The following ARRB1 variants were observed in gnomAD, a reference collection of about 807,000 sequenced individuals.
The protein encoded by ARRB1 is arrestin beta 1.
In ARRB1, 21 loss-of-function variants were observed where a neutral mutation model predicts 56.8. The ratio of observed to expected loss-of-function variants is 0.37; its 90% confidence interval spans 0.26 to 0.53. The LOEUF (loss-of-function observed/expected upper bound fraction) is 0.53. Ranked by LOEUF, ARRB1 falls within the 20% of genes least tolerant of loss-of-function variation. ARRB1 has a pLI of 0.88. For missense variants in ARRB1, 424 were observed against 553.7 expected, an observed-to-expected ratio of 0.77 and a Z score of 2.35; for synonymous variants, 210 against 218.6, an observed-to-expected ratio of 0.96 and a Z score of 0.35.
At position 75,263,387 on chromosome 11, in the gene ARRB1, G is replaced by A. The variant is rs769597149; in HGVS notation, c.*2776C>T. 5.3e-5 allele frequency among the ~76,000 whole-genome samples: 8 copies of A among 152,360 alleles called. No homozygotes were observed. The highest frequency in any genetic ancestry group is 2.1e-4 in the South Asian group (1 of 4,830). ...TCCCTCGAGGCTGCAGCGTATGGCC[G>A]TGCAGCAGGGCACCTCTGGCCAAGG... On this transcript the variant is annotated 3_prime_UTR_variant, in exon 16 of 16. Transcript: ENST00000420843.
At chr11:75,277,494 G>C in intron 8 of ARRB1, 46 bp from the exon 9 acceptor site, 1 of 1,553,206 alleles carries the variant, frequency 6.4e-7, no homozygotes, top group Non-Finnish European at 8.9e-7. Flanking sequence ...GGACAGCAAG[G>C]TTCTAGGGAA....
chr11:75,311,841 C>T (rs967532936), intron 1 of ARRB1, among the ~76,000 whole-genome samples: 7 of 152,194 alleles, frequency 4.6e-5, no homozygotes, highest in South Asian at 4.1e-4. Context: ...CACCCCACTT[C>T]GGCCCCTGCT....
chr11:75,333,979 C>G (rs1452137107), intron 1 of ARRB1, among the ~76,000 whole-genome samples: 1 of 152,174 alleles, frequency 6.6e-6, no homozygotes, highest in Non-Finnish European at 1.5e-5. Flanking sequence ...GACTCCTGAC[C>G]CAGTCCCAGG....
At chr11:75,292,486 C>A (rs1378962419) in intron 1 of ARRB1, among the ~76,000 whole-genome samples, 1 of 152,322 alleles carries the variant, frequency 6.6e-6, no homozygotes, top group South Asian at 2.1e-4. Flanking sequence ...GAAGATGCCA[C>A]AGTCAGCTGG....
At chr11:75,308,482 ACGC>A (rs1378202179) in intron 1 of ARRB1, among the ~76,000 whole-genome samples, 5 of 152,206 alleles carry the variant, frequency 3.3e-5, no homozygotes, top group African/African-American at 1.2e-4. Flanking sequence ...ACAGTAGCTC[ACGC>A]CTATAATCCC....
intron 3 of ARRB1, among the ~76,000 whole-genome samples, chr11:75,286,439 T>G (rs1946479424): frequency 6.6e-6 from 1 of 151,550 alleles, no homozygotes; most frequent in South Asian, 2.1e-4. Flanking sequence ...GGCTATTTTT[T>G]TTTTCTGTAT....
intron 1 of ARRB1, among the ~76,000 whole-genome samples, chr11:75,339,579 C>A (rs930389618): frequency 6.6e-6 from 1 of 152,208 alleles, no homozygotes. Context: ...CTCACACAAA[C>A]GCACTTTCCA....
rs1235679109 is a variant in ARRB1 at position 75,264,892 on chromosome 11, T to TTGCCCCAGGAAC, written c.*1259_*1270dup. 6.6e-6 allele frequency: 1 copy of TTGCCCCAGGAAC among 152,326 alleles called. No homozygotes were observed. The highest frequency in any genetic ancestry group is 1.5e-5 in the Non-Finnish European group (1 of 68,138). The allele number at this position is 152,326 out of a possible 1,614,324, so 9.4% of individuals were successfully genotyped here. On this transcript the variant is annotated 3_prime_UTR_variant, in exon 16 of 16. Coordinates refer to ENST00000420843, the MANE Select transcript of ARRB1 (RefSeq NM_004041.5). ...TCTATCTCATCTCCCATCTGGCTTCTTGCCCCAGGAACTGCCCCAGGTCTC... is the reference window on the plus strand; with the variant it reads ...TCTATCTCATCTCCCATCTGGCTTCTTGCCCCAGGAACTGCCCCAGGAACTGCCCCAGGTCTC...
intron 1 of ARRB1, among the ~76,000 whole-genome samples, chr11:75,337,418 G>A (rs1204826167): frequency 1.3e-5 from 2 of 152,180 alleles, no homozygotes; most frequent in Admixed American, 1.3e-4. Flanking sequence ...CCTTCAGCAC[G>A]AGGACCAGGA....
intron 1 of ARRB1, among the ~76,000 whole-genome samples, chr11:75,328,125 C>A (rs1947470304): frequency 6.6e-6 from 1 of 152,196 alleles, no homozygotes; most frequent in Non-Finnish European, 1.5e-5. Context: ...CCCCTGGCAA[C>A]TACCAGTGTC....
At position 75,289,879 on chromosome 11, in the gene ARRB1, G is replaced by A. The variant is rs1469953542; in HGVS notation, c.51+130C>T. On this transcript the variant is annotated intron_variant, in intron 2 of 15. Coordinates refer to ENST00000420843, the MANE Select transcript of ARRB1 (RefSeq NM_004041.5). ...GAGAGAGCTGTGTCACCCCTAAGAC[G>A]GGGAGCAGCACCTGCCCCCTCCCAC... 11 of 1,320,432 alleles carry A rather than the reference G, an allele frequency of 8.3e-6. 1 individual carries two copies. The highest frequency in any genetic ancestry group is 3.6e-4 in the Middle Eastern group (2 of 5,496). The allele number at this position is 1,320,432 out of a possible 1,614,324, so 81.8% of individuals were successfully genotyped here. A position where few individuals can be genotyped will look rare whatever the true frequency, so the allele number is the denominator to read the frequency against.
chr11:75,340,442 C>T (rs1205127352), intron 1 of ARRB1, among the ~76,000 whole-genome samples: 4 of 152,252 alleles, frequency 2.6e-5, no homozygotes. Context: ...CTCCAAGGCC[C>T]CTCTGGGGAA....
intron 1 of ARRB1, among the ~76,000 whole-genome samples, chr11:75,325,002 C>T (rs1180625550): frequency 2.3e-5 from 3 of 129,664 alleles, no homozygotes; most frequent in South Asian, 2.7e-4. Flanking sequence ...CAGGGCTGGG[C>T]GGGAGGGCCT....
At chr11:75,278,894 G>A in intron 7 of ARRB1, 150 bp from the exon 8 acceptor site, 1 of 1,144,730 alleles carries the variant, frequency 8.7e-7, no homozygotes, top group Admixed American at 2.8e-5. Flanking sequence ...CAGCATAGGG[G>A]TCTGTCACCA....
chr11:75,304,547 T>A (rs1946977664), intron 1 of ARRB1, among the ~76,000 whole-genome samples: 6 of 151,696 alleles, frequency 4.0e-5, no homozygotes, highest in South Asian at 2.1e-4. Context: ...TGTGAGGTAG[T>A]TGTTAAACAC....
chr11:75,288,529 G>A (rs1014695903), intron 2 of ARRB1, among the ~76,000 whole-genome samples: 7 of 151,980 alleles, frequency 4.6e-5, no homozygotes, highest in African/African-American at 1.5e-4. Context: ...CTCCTGCCTA[G>A]ACCACCACAC....
At chr11:75,324,039 T>TGC (rs1192501704) in intron 1 of ARRB1, among the ~76,000 whole-genome samples, 1 of 152,074 alleles carries the variant, frequency 6.6e-6, no homozygotes, top group Admixed American at 6.6e-5. Context: ...AACACATGCA[T>TGC]GCACACACAC....
In ARRB1 at chr11:75,264,375, C is replaced by T. The variant is rs184163803; in HGVS notation, c.*1788G>A. 4 of 152,220 alleles carry T rather than the reference C, an allele frequency of 2.6e-5. No individual in the cohort carries two copies. The highest frequency in any genetic ancestry group is 5.9e-5 in the Non-Finnish European group (4 of 68,068). 9.4% of individuals were successfully genotyped at this position (152,220 alleles called of 1,614,324 possible). A position where few individuals can be genotyped will look rare whatever the true frequency, so the allele number is the denominator to read the frequency against. On this transcript the variant is annotated 3_prime_UTR_variant, in exon 16 of 16. Transcript: ENST00000420843. ...AGGGAGCAGAAACTGAGGAGAGAGC[C>T]CTTGTCCTGCTAATCAATATATTTG...
chr11:75,294,765 G>A (rs1318017001), intron 1 of ARRB1, among the ~76,000 whole-genome samples: 1 of 152,106 alleles, frequency 6.6e-6, no homozygotes, highest in Non-Finnish European at 1.5e-5. Context: ...CTGGTCCTAT[G>A]AAGTTAGGCA....
Sources: gnomAD v4.1 joint callset for allele counts (sites outside exome capture counted in the v4.1 genomes callset) on GRCh38, gnomAD v4.1.1 for gene constraint, MANE v1.5 for transcripts, NCBI Gene and HGNC (gene_info 2026-07-23, HGNC 2026-07-21) for gene names.